Variants in TRIO observed in about 807,000 individuals in gnomAD.
TRIO encodes the protein triple functional domain protein.
TRIO carries 58 observed loss-of-function variants against 351.9 expected under a neutral mutation model. The ratio of observed to expected loss-of-function variants is 0.16; its 90% CI spans 0.13 to 0.21. The LOEUF (loss-of-function observed/expected upper bound fraction) is 0.21. Ranked by LOEUF, TRIO falls within the 10% of genes least tolerant of loss-of-function variation. TRIO has a pLI of 1.00. For missense variants in TRIO, 3,201 were observed against 4,027.8 expected, an observed-to-expected ratio of 0.79 and a Z score of 5.56; for synonymous variants, 1,758 against 1,595.7, an observed-to-expected ratio of 1.10 and a Z score of -2.42.
At chr5:14,494,752 C>T (rs986436165) in intron 49 of TRIO, among the ~76,000 whole-genome samples, 3 of 151,884 alleles carry the variant, frequency 2.0e-5, no homozygotes, top group South Asian at 2.1e-4. Flanking sequence ...TACAAAAATT[C>T]GCTGGGCATG....
chr5:14,273,818 C>T (rs540069981), intron 2 of TRIO, among the ~76,000 whole-genome samples: 1 of 152,198 alleles, frequency 6.6e-6, no homozygotes, highest in Admixed American at 6.5e-5. Context: ...TAGAAAATCT[C>T]ACACGACAAC....
chr5:14,423,267 G>A (rs1467098624), intron 34 of TRIO, among the ~76,000 whole-genome samples: 1 of 152,248 alleles, frequency 6.6e-6, no homozygotes, highest in Non-Finnish European at 1.5e-5. Context: ...CCCCCAGCGA[G>A]TCTCTTCTGC....
chr5:14,430,538 G>C (rs543147594), intron 34 of TRIO, among the ~76,000 whole-genome samples: 1 of 151,880 alleles, frequency 6.6e-6, no homozygotes, highest in South Asian at 2.1e-4. Flanking sequence ...AAAGTTCTTC[G>C]TGAATCCAAG....
chr5:14,382,190 T>A (rs30785), intron 21 of TRIO, among the ~76,000 whole-genome samples: 42,325 of 152,194 alleles, frequency 0.28, 6,065 homozygotes, highest in Middle Eastern at 0.37. Context: ...AAAAGAAGTG[T>A]TTCTATAAAG....
At chr5:14,391,064 TCACC>T in intron 27 of TRIO, 74 bp downstream of exon 27, 1 of 1,152,968 alleles carries the variant, frequency 8.7e-7, no homozygotes, top group African/African-American at 1.6e-5. Flanking sequence ...CTCATAACTT[TCACC>T]TAATTGATAG....
At chr5:14,446,354 T>G (rs1752439402) in intron 34 of TRIO, among the ~76,000 whole-genome samples, 1 of 152,234 alleles carries the variant, frequency 6.6e-6, no homozygotes, top group South Asian at 2.1e-4. Flanking sequence ...GCTCCAGCCC[T>G]CTTTTCTTTT....
chr5:14,500,709 A>G (rs1212205679), intron 53 of TRIO, among the ~76,000 whole-genome samples: 3 of 152,118 alleles, frequency 2.0e-5, no homozygotes, highest in Non-Finnish European at 4.4e-5. Flanking sequence ...GCAACATGGC[A>G]AAACACCATC....
intron 1 of TRIO, among the ~76,000 whole-genome samples, chr5:14,149,267 A>AGATTGTC (rs369639354): frequency 1.3e-5 from 2 of 152,310 alleles, no homozygotes; most frequent in African/African-American, 4.8e-5. Context: ...ATACCTGGCT[A>AGATTGTC]GATTGTCCAG....
chr5:14,384,857 A>G (rs569317864), intron 21 of TRIO, among the ~76,000 whole-genome samples: 11 of 140,914 alleles, frequency 7.8e-5, no homozygotes, highest in Non-Finnish European at 1.6e-4. Context: ...GAGAAGATAT[A>G]TAGGCAGCTC....
intron 20 of TRIO, among the ~76,000 whole-genome samples, chr5:14,380,041 C>A (rs1053747396): frequency 1.3e-5 from 2 of 152,026 alleles, no homozygotes; most frequent in African/African-American, 4.8e-5. Flanking sequence ...TTGGCTTGTT[C>A]TTATCTCTCT....
chr5:14,196,892 G>A (rs772079052), intron 1 of TRIO, among the ~76,000 whole-genome samples: 2 of 152,144 alleles, frequency 1.3e-5, no homozygotes, highest in African/African-American at 2.4e-5. Flanking sequence ...TTTTATATCC[G>A]AAAATTATCA....
At chr5:14,293,671 C>T (rs2152287187) in intron 6 of TRIO, among the ~76,000 whole-genome samples, 1 of 152,338 alleles carries the variant, frequency 6.6e-6, no homozygotes, top group Middle Eastern at 3.4e-3. Flanking sequence ...GCATCTGCTA[C>T]CCTTGGCTGT....
chr5:14,405,816 C>T lies in TRIO; in HGVS notation c.4717-32C>T, dbSNP rs146298776. 540 of 1,604,224 alleles carry T rather than the reference C, an allele frequency of 3.4e-4. 2 individuals carry two copies. Among genetic ancestry groups the T allele is most frequent in the Middle Eastern group, 1.5e-3 (9 of 6,028 alleles). ...GGGCAAGGTCTGGAAAGGGCCGTTC[C>T]GTATCCTAAGCAACGCTAACACCTT... On this transcript the variant is annotated intron_variant, in intron 31 of 56. Coordinates refer to ENST00000344204, the MANE Select transcript of TRIO (RefSeq NM_007118.4).
chr5:14,284,756 C>T (rs1361422873), intron 3 of TRIO, among the ~76,000 whole-genome samples: 2 of 152,204 alleles, frequency 1.3e-5, no homozygotes, highest in South Asian at 2.1e-4. Flanking sequence ...GGTTACAGTG[C>T]GGTCTACCAA....
intron 7 of TRIO, among the ~76,000 whole-genome samples, chr5:14,303,349 G>C (rs932074029): frequency 6.9e-6 from 1 of 144,642 alleles, no homozygotes; most frequent in African/African-American, 2.6e-5. Flanking sequence ...CCTGGAGATG[G>C]AGGGTGTCAG....
intron 10 of TRIO, among the ~76,000 whole-genome samples, chr5:14,333,021 G>T (rs1429376394): frequency 6.6e-6 from 1 of 152,150 alleles, no homozygotes; most frequent in East Asian, 1.9e-4. Context: ...TGCAGGACCA[G>T]TTTTTACTAA....
chr5:14,200,033 G>A (rs1017541027), intron 1 of TRIO, among the ~76,000 whole-genome samples: 12 of 152,204 alleles, frequency 7.9e-5, no homozygotes, highest in Non-Finnish European at 1.6e-4. Context: ...CTATACTAGG[G>A]TTGTGAGATC....
chr5:14,342,756 T>C (rs1048729624), intron 11 of TRIO, among the ~76,000 whole-genome samples: 3 of 152,248 alleles, frequency 2.0e-5, no homozygotes, highest in Admixed American at 2.0e-4. Context: ...GCTTTTTGTT[T>C]CTTTCATTCC....
rs1439594463 is a variant in TRIO, at chr5:14,239,495, G to A, written c.158-31330G>A. On this transcript the variant is annotated intron_variant, in intron 1 of 56. Coordinates refer to ENST00000344204, the MANE Select transcript of TRIO (RefSeq NM_007118.4). ...ACCCTCACAAACCCCTAGAGGTGTCGTGCACGTAATGACTTGTATTCACTG... is the reference window on the plus strand; with the variant it reads ...ACCCTCACAAACCCCTAGAGGTGTCATGCACGTAATGACTTGTATTCACTG... Among the ~76,000 whole-genome samples the A allele has an allele frequency of 3.3e-5, 5 of 152,236 alleles. No homozygotes were observed. The South Asian group carries it at 8.3e-4, about 25-fold the overall frequency.
Sources: allele counts gnomAD v4.1 joint callset (sites outside exome capture counted in the v4.1 genomes callset), GRCh38; gene constraint gnomAD v4.1.1; transcripts MANE v1.5; gene names NCBI Gene and HGNC (gene_info 2026-07-23, HGNC 2026-07-21).